Variants in EYS observed in about 807,000 individuals in gnomAD.
EYS encodes the protein protein eyes shut homolog.
In EYS, 250 loss-of-function variants were observed where a neutral mutation model predicts 282.1. The ratio of observed to expected loss-of-function variants is 0.89; its 90% CI spans 0.80 to 0.98. The LOEUF is 0.98. Ranked by LOEUF, EYS falls within the 50% of genes least tolerant of loss-of-function variation. EYS has a pLI of 0.00. For synonymous variants in EYS, 1,355 were observed against 1,282.9 expected, an observed-to-expected ratio of 1.06 and a Z score of -1.20; for missense variants, 4,016 against 3,709.0, an observed-to-expected ratio of 1.08 and a Z score of -2.15.
chr6:64,532,632 C>G (rs891480230), intron 26 of EYS, among the ~76,000 whole-genome samples: 2 of 152,056 alleles, frequency 1.3e-5, no homozygotes, highest in African/African-American at 4.8e-5. Flanking sequence ...AGGCGTGAAC[C>G]CGGGAGGTGG....
chr6:65,343,275 T>G (rs1389974675), intron 10 of EYS, among the ~76,000 whole-genome samples: 1 of 151,172 alleles, frequency 6.6e-6, no homozygotes, highest in Non-Finnish European at 1.5e-5. Context: ...GGCTTATGAG[T>G]CTTTACTGAA....
intron 41 of EYS, among the ~76,000 whole-genome samples, chr6:63,748,656 A>C (rs1769268456): frequency 6.6e-6 from 1 of 151,916 alleles, no homozygotes; most frequent in Admixed American, 6.6e-5. Flanking sequence ...TATTGATTTA[A>C]TTTTGGAGCT....
chr6:64,802,855 G>A (rs575371307), intron 22 of EYS, among the ~76,000 whole-genome samples: 3 of 152,300 alleles, frequency 2.0e-5, no homozygotes, highest in South Asian at 2.1e-4. Context: ...AACATCTGCT[G>A]AGACTAGACT....
intron 13 of EYS, among the ~76,000 whole-genome samples, chr6:65,007,635 A>C (rs565468013): frequency 9.9e-5 from 15 of 151,892 alleles, no homozygotes; most frequent in Admixed American, 9.8e-4. Context: ...TGTCCCCCTA[A>C]CTCTTTCCCC....
intron 19 of EYS, among the ~76,000 whole-genome samples, chr6:64,840,677 T>G (rs2150034535): frequency 6.6e-6 from 1 of 152,186 alleles, no homozygotes; most frequent in East Asian, 1.9e-4. Flanking sequence ...GCCACTGGTA[T>G]CAAATATTTT....
intron 12 of EYS, among the ~76,000 whole-genome samples, chr6:65,285,467 T>C (rs1768336393): frequency 6.6e-6 from 1 of 151,960 alleles, no homozygotes; most frequent in Non-Finnish European, 1.5e-5. Flanking sequence ...TTATAATGCT[T>C]TTTACATTTA....
At chr6:64,796,026 C>T (rs995434794) in intron 22 of EYS, among the ~76,000 whole-genome samples, 16 of 152,128 alleles carry the variant, frequency 1.1e-4, no homozygotes, top group Non-Finnish European at 1.5e-5. Flanking sequence ...ATTTGAAGTA[C>T]AGCACTAACG....
At position 65,577,617 on chromosome 6, in the gene EYS, C is replaced by T. The variant is rs183146870; in HGVS notation, c.-333+62161G>A. 1.4e-3 allele frequency among the ~76,000 whole-genome samples: 209 copies of T among 151,638 alleles called. 2 individuals carry two copies. The highest frequency in any genetic ancestry group is 2.2e-3 in the Admixed American group (34 of 15,202). On this transcript the variant is annotated intron_variant, in intron 2 of 42. Transcript: ENST00000503581. ...AAAAGTTTCTGCACTGCAAAGGAAACAATCAACACAGTGAAGAGGCAGTCT... is the reference window on the plus strand; with the variant it reads ...AAAAGTTTCTGCACTGCAAAGGAAATAATCAACACAGTGAAGAGGCAGTCT...
At chr6:65,619,102 A>C (rs2149800485) in intron 2 of EYS, among the ~76,000 whole-genome samples, 1 of 151,926 alleles carries the variant, frequency 6.6e-6, no homozygotes, top group East Asian at 1.9e-4. Context: ...AGGCATTGGT[A>C]GATTGATTGG....
chr6:64,934,207 A>G (rs1768826835), intron 15 of EYS, among the ~76,000 whole-genome samples: 1 of 152,008 alleles, frequency 6.6e-6, no homozygotes, highest in South Asian at 2.1e-4. Flanking sequence ...ATTTGGCAGA[A>G]GAAAGAAGTA....
intron 19 of EYS, among the ~76,000 whole-genome samples, chr6:64,857,797 A>G (rs1227702885): frequency 1.3e-5 from 2 of 152,090 alleles, no homozygotes; most frequent in Non-Finnish European, 2.9e-5. Flanking sequence ...TTTTAAATAA[A>G]AGCCATTCTA....
In EYS at chr6:64,004,100, C is replaced by G. The variant is rs529730299; in HGVS notation, c.6726-4917G>C. ...ACTTATGTTAGACATTTTTTGGAAG[C>G]CTGTTAAGCAGTCCTCTAAATTTCT... On this transcript the variant is annotated intron_variant, in intron 33 of 42. Coordinates refer to ENST00000503581, the MANE Select transcript of EYS (RefSeq NM_001142800.2). Among the ~76,000 whole-genome samples the G allele has an allele frequency of 5.9e-5, 9 of 152,176 alleles. No individual in the cohort carries two copies. In the South Asian group the frequency reaches 1.9e-3, roughly 32 times the overall value.
At chr6:65,575,806 T>C (rs1423005475) in intron 2 of EYS, among the ~76,000 whole-genome samples, 1 of 152,054 alleles carries the variant, frequency 6.6e-6, no homozygotes, top group African/African-American at 2.4e-5. Flanking sequence ...GAAACCACTT[T>C]AAACAATTAT....
chr6:65,226,770 G>A (rs1349244484), intron 12 of EYS, among the ~76,000 whole-genome samples: 1 of 152,126 alleles, frequency 6.6e-6, no homozygotes, highest in Non-Finnish European at 1.5e-5. Context: ...TTATTCCTTG[G>A]TATAAACTCA....
chr6:65,381,318 G>A (rs1351421836), intron 8 of EYS, among the ~76,000 whole-genome samples: 1 of 152,040 alleles, frequency 6.6e-6, no homozygotes, highest in Admixed American at 6.6e-5. Context: ...CCTTTGCAGA[G>A]ATGTGGATGA....
intron 22 of EYS, among the ~76,000 whole-genome samples, chr6:64,773,700 T>C (rs2149988008): frequency 6.6e-6 from 1 of 152,108 alleles, no homozygotes; most frequent in East Asian, 1.9e-4. Flanking sequence ...TCATTGTGGT[T>C]TTGATTTGCA....
At chr6:65,564,161 T>G (rs1298128460) in intron 2 of EYS, among the ~76,000 whole-genome samples, 1 of 152,162 alleles carries the variant, frequency 6.6e-6, no homozygotes, top group African/African-American at 2.4e-5. Context: ...TGCTCATAGA[T>G]AGGAATAACC....
chr6:65,363,528 T>C (rs1468812219), intron 8 of EYS, among the ~76,000 whole-genome samples: 1 of 151,940 alleles, frequency 6.6e-6, no homozygotes, highest in Non-Finnish European at 1.5e-5. Context: ...TGATTGATGT[T>C]GTTTTTCATG....
chr6:63,897,120 A>G (rs1773555137), intron 35 of EYS, among the ~76,000 whole-genome samples: 1 of 152,248 alleles, frequency 6.6e-6, no homozygotes, highest in Non-Finnish European at 1.5e-5. Flanking sequence ...CACTCACCAC[A>G]GATGATCTGT....
Sources: gnomAD v4.1 joint callset for allele counts (sites outside exome capture counted in the v4.1 genomes callset) on GRCh38, gnomAD v4.1.1 for gene constraint, MANE v1.5 for transcripts, NCBI Gene and HGNC (gene_info 2026-07-23, HGNC 2026-07-21) for gene names.